Variants in SAMD8 observed in about 807,000 individuals in gnomAD.
SAMD8 encodes sphingomyelin synthase-related protein 1.
Under a neutral mutation model 42.0 loss-of-function variants are expected in SAMD8, and 20 were observed. The observed-to-expected ratio is 0.48, with a 90% CI of 0.34 to 0.69. The LOEUF (loss-of-function observed/expected upper bound fraction) is 0.69, where lower values mean the gene tolerates loss of function less well. Ranked by LOEUF, SAMD8 falls within the 30% of genes least tolerant of loss-of-function variation. The probability of loss-of-function intolerance (pLI) is 0.01; values close to 1 mark genes in which losing one functional copy is unlikely to be tolerated. For synonymous variants in SAMD8, 162 were observed against 173.0 expected, an observed-to-expected ratio of 0.94 and a Z score of 0.50; for missense variants, 328 against 511.6, an observed-to-expected ratio of 0.64 and a Z score of 3.46.
chr10:75,169,828 G>A (rs556340368), intron 4 of SAMD8, among the ~76,000 whole-genome samples: 1 of 152,290 alleles, frequency 6.6e-6, no homozygotes, highest in East Asian at 1.9e-4. Context: ...AGAGTCACTT[G>A]AACCCAGGAG....
chr10:75,166,769 A>G (rs1300549122), intron 3 of SAMD8, among the ~76,000 whole-genome samples: 1 of 152,102 alleles, frequency 6.6e-6, no homozygotes, highest in Non-Finnish European at 1.5e-5. Context: ...GAATTTATCT[A>G]CTCTTCAAAA....
Position 75,168,594 on chromosome 10 carries a change from G to A in SAMD8, c.728G>A (p.Arg243His), listed in dbSNP as rs1419458107. 1.2e-6 allele frequency: 2 copies of A among 1,613,784 alleles called. No individual in the cohort carries two copies. Among genetic ancestry groups the A allele is most frequent in the Non-Finnish European group, 8.5e-7 (1 of 1,179,888 alleles). ...CSLMGTVFLL[R>H]CFTMFVTSLS... ...CTGATGGGAACTGTATTCTTGCTTC[G>A]CTGCTTTACCATGTTTGTGACCTCC... The change falls in exon 4 of 6, where the codon CGC becomes CAC. Residue 243 changes from arginine (R) to histidine (H), a missense_variant. Arg to His is a conservative substitution (Grantham distance 29). This residue lies in a region of SAMD8 where 178 missense variants were observed against 325.6 expected (regional missense o/e 0.55). Coordinates refer to ENST00000542569, the MANE Select transcript of SAMD8 (RefSeq NM_001174156.2).
In SAMD8 at chr10:75,176,773, G is replaced by T. The variant is rs1840999035; in HGVS notation, c.*81G>T. The T allele has an allele frequency of 9.7e-7, 1 of 1,026,028 alleles. No homozygotes were observed. Among genetic ancestry groups the T allele is most frequent in the South Asian group, 1.8e-5 (1 of 55,322 alleles). 63.6% of individuals were successfully genotyped at this position (1,026,028 alleles called of 1,614,324 possible). On this transcript the variant is annotated 3_prime_UTR_variant, in exon 6 of 6. Coordinates refer to ENST00000542569, the MANE Select transcript of SAMD8 (RefSeq NM_001174156.2). The surrounding 1 kb of genome is among the most constrained non-coding windows in gnomAD (Gnocchi z 4.3). ...TAACTTTGCGTTCTCCCCCTAGGTTGTTCTTAGATGCCTGGCTTATGTGTT... is the reference window on the plus strand; with the variant it reads ...TAACTTTGCGTTCTCCCCCTAGGTTTTTCTTAGATGCCTGGCTTATGTGTT...
At chr10:75,137,539 CAA>C (rs373211048) in intron 1 of SAMD8, among the ~76,000 whole-genome samples, 16 of 107,202 alleles carry the variant, frequency 1.5e-4, no homozygotes, top group African/African-American at 1.0e-4. Context: ...GACTCCGTCT[CAA>C]AAAAAAAAAA....
At chr10:75,132,566 T>C (rs1158205432) in intron 1 of SAMD8, among the ~76,000 whole-genome samples, 1 of 152,160 alleles carries the variant, frequency 6.6e-6, no homozygotes, top group Non-Finnish European at 1.5e-5. Context: ...TTTAAATTTA[T>C]GGATATAAAA....
At chr10:75,161,549 A>G (rs1840558385) in intron 2 of SAMD8, among the ~76,000 whole-genome samples, 1 of 152,184 alleles carries the variant, frequency 6.6e-6, no homozygotes, top group African/African-American at 2.4e-5. Context: ...CATAAGCGCA[A>G]ACAGAAAAAA....
chr10:75,134,416 C>T (rs1406832752), intron 1 of SAMD8, among the ~76,000 whole-genome samples: 2 of 152,158 alleles, frequency 1.3e-5, no homozygotes, highest in African/African-American at 4.8e-5. Flanking sequence ...CGGCGGATCA[C>T]CTGAGGTCAG....
intron 1 of SAMD8, among the ~76,000 whole-genome samples, chr10:75,124,947 G>A (rs1056196855): frequency 1.3e-5 from 2 of 151,340 alleles, no homozygotes; most frequent in African/African-American, 4.9e-5. Flanking sequence ...TGTTGTTGTT[G>A]TTTTTGTTTG....
At chr10:75,163,624 C>G (rs1840609614) in intron 2 of SAMD8, among the ~76,000 whole-genome samples, 2 of 151,836 alleles carry the variant, frequency 1.3e-5, no homozygotes, top group Non-Finnish European at 2.9e-5. Flanking sequence ...TTGTAGAGAC[C>G]TGGGAGTTGG....
At chr10:75,106,764 C>T (rs192560804), upstream of SAMD8, among the ~76,000 whole-genome samples, 4 of 152,306 alleles carry the variant, frequency 2.6e-5, no homozygotes, top group South Asian at 2.1e-4. Context: ...GTGCCAGGCA[C>T]GTAGTGGATA....
upstream of SAMD8, among the ~76,000 whole-genome samples, chr10:75,109,632 G>A (rs1589924860): frequency 1.3e-5 from 2 of 152,106 alleles, no homozygotes; most frequent in Non-Finnish European, 2.9e-5. Context: ...TGAAAGAAGT[G>A]TACAGTCTAG....
At chr10:75,110,742 A>G (rs887611511), upstream of SAMD8, among the ~76,000 whole-genome samples, 1 of 152,166 alleles carries the variant, frequency 6.6e-6, no homozygotes, top group African/African-American at 2.4e-5. Flanking sequence ...TTGGGTTGGA[A>G]TATCAGTTTG....
intron 1 of SAMD8, among the ~76,000 whole-genome samples, chr10:75,120,275 T>G (rs559866240): frequency 6.6e-6 from 1 of 152,048 alleles, no homozygotes; most frequent in South Asian, 2.1e-4. Flanking sequence ...TATTTTATTT[T>G]ATTTATTTAT....
chr10:75,125,173 A>G (rs1849100598), intron 1 of SAMD8: 1 of 152,188 alleles, frequency 6.6e-6, no homozygotes, highest in African/African-American at 2.4e-5. Context: ...GAATGTTTTT[A>G]ACTTGACAGA....
rs1253696755 is a variant in SAMD8 at position 75,178,953 on chromosome 10, C to G, written c.*2261C>G. 1 of 152,236 alleles carries G rather than the reference C, an allele frequency of 6.6e-6. No homozygotes were observed. The highest frequency in any genetic ancestry group is 2.4e-5 in the African/African-American group (1 of 41,438). The allele number at this position is 152,236 out of a possible 1,614,324, so 9.4% of individuals were successfully genotyped here. ...CTGAGGAACAAGAAACACTTGAACC[C>G]AGGAGGTGGAGTTTGCATTGAGCTG... is the stretch of plus-strand genomic sequence containing the variant. On this transcript the variant is annotated 3_prime_UTR_variant, in exon 6 of 6. Transcript: ENST00000542569.
At chr10:75,106,765 G>A (rs1005722226), upstream of SAMD8, among the ~76,000 whole-genome samples, 6 of 152,250 alleles carry the variant, frequency 3.9e-5, no homozygotes, top group East Asian at 1.9e-4. Context: ...TGCCAGGCAC[G>A]TAGTGGATAC....
intron 1 of SAMD8, among the ~76,000 whole-genome samples, chr10:75,129,138 A>T (rs201484885): frequency 0.2 from 29,067 of 146,056 alleles, 2,979 homozygotes; most frequent in East Asian, 0.26. Context: ...TCTTCTTCTT[A>T]TTTTTTTTTT....
intron 1 of SAMD8, among the ~76,000 whole-genome samples, chr10:75,101,388 C>T (rs1848148150): frequency 6.6e-6 from 1 of 152,132 alleles, no homozygotes; most frequent in Admixed American, 6.5e-5. Flanking sequence ...CTTTCCAGCC[C>T]CAGCCATATC....
intron 1 of SAMD8, among the ~76,000 whole-genome samples, chr10:75,146,272 CTTTTTTTTT>C (rs202162176): frequency 1.8e-4 from 12 of 68,124 alleles, no homozygotes; most frequent in Admixed American, 6.8e-4. Flanking sequence ...TGTCTTGACA[CTTTTTTTTT>C]TTTTTTTTTT....
Sources: gnomAD v4.1 joint callset for allele counts (sites outside exome capture counted in the v4.1 genomes callset) on GRCh38, gnomAD v4.1.1 for gene constraint, gnomAD v4.1.1 regional missense constraint, Gnocchi (gnomAD v3.1) non-coding constraint, MANE v1.5 for transcripts, NCBI Gene and HGNC (gene_info 2026-07-23, HGNC 2026-07-21) for gene names.